Variants in C5orf34 observed in about 807,000 individuals in gnomAD.
The protein encoded by C5orf34 is chromosome 5 open reading frame 34.
C5orf34 carries 73 observed loss-of-function variants against 78.4 expected under a neutral mutation model. The ratio of observed to expected loss-of-function variants is 0.93; its 90% CI spans 0.77 to 1.13. The LOEUF (loss-of-function observed/expected upper bound fraction) is 1.13, where lower values mean the gene tolerates loss of function less well. C5orf34 is among the 50% of genes most tolerant of loss of function. The pLI, the probability that C5orf34 is intolerant of heterozygous loss-of-function variation, is 0.00. For synonymous variants in C5orf34, 251 were observed against 246.6 expected (o/e 1.02, Z -0.17); for missense variants, 730 against 732.7 (o/e 1.00, Z 0.04).
chr5:43,494,983 T>G (rs1745441334), intron 6 of C5orf34: 2 of 1,074,906 alleles, frequency 1.9e-6, no homozygotes, highest in Non-Finnish European at 2.8e-6. Flanking sequence ...CTTTCACTAC[T>G]AAACTTAAAT....
rs1746368273 is a variant in C5orf34, at chr5:43,513,702, C to G, written c.-37+1104G>C. ...CATCTTTGCAGTTCTTTCTGCCTGC[C>G]TTGTCTTTTCCTTGGCTAATCACAA... On this transcript the variant is annotated intron_variant, in intron 1 of 12. Transcript: ENST00000306862. Among the ~76,000 whole-genome samples the G allele has an allele frequency of 2.0e-5, 3 of 152,178 alleles. No homozygotes were observed. In the South Asian group the frequency reaches 6.2e-4, roughly 31 times the overall value.
At chr5:43,498,227 G>A (rs974094223) in intron 6 of C5orf34, among the ~76,000 whole-genome samples, 60 of 152,180 alleles carry the variant, frequency 3.9e-4, no homozygotes, top group African/African-American at 1.4e-3. Flanking sequence ...CACATGGGAA[G>A]CACTCAAAAT....
Position 43,508,630 on chromosome 5 carries a change from A to T in C5orf34, c.232T>A (p.Ser78Thr), listed in dbSNP as rs1047845485. 8 of 1,611,508 alleles carry T rather than the reference A, an allele frequency of 5.0e-6. No homozygotes were observed. In the African/African-American group the frequency reaches 1.1e-4, roughly 22 times the overall value. Reference sequence around the variant, plus strand: ...TCAGATAAAAAAGGGCAAGTAGCTGAAGAGTTTCGAAAATCTAGGGCTCGC... The same window carrying T: ...TCAGATAAAAAAGGGCAAGTAGCTGTAGAGTTTCGAAAATCTAGGGCTCGC... ...LQRALDFRNS[S>T]ATCPFLSETI... Residue 78 changes from serine (S) to threonine (T), a missense_variant, in exon 3 of 13, where the codon TCA becomes ACA. Ser to Thr is a moderately conservative substitution (Grantham distance 58). Coordinates refer to ENST00000306862, the MANE Select transcript of C5orf34 (RefSeq NM_198566.4).
chr5:43,498,023 T>A (rs2112293570), intron 6 of C5orf34, among the ~76,000 whole-genome samples: 1 of 152,314 alleles, frequency 6.6e-6, no homozygotes, highest in Admixed American at 6.5e-5. Flanking sequence ...TCTCATAGAC[T>A]AGGAGAAATC....
rs1405683974 is a variant in C5orf34 at position 43,490,638 on chromosome 5, C to G, written c.1672G>C (p.Glu558Gln). The G allele has an allele frequency of 6.3e-7, 1 of 1,599,224 alleles. No individual in the cohort carries two copies. The highest frequency in any genetic ancestry group is 8.6e-7 in the Non-Finnish European group (1 of 1,167,156). Residue 558 changes from glutamate (E) to glutamine (Q), a missense_variant, in exon 11 of 13, where the codon GAA becomes CAA. Glu to Gln is a conservative substitution (Grantham distance 29). Coordinates refer to ENST00000306862, the MANE Select transcript of C5orf34 (RefSeq NM_198566.4). The stretch of plus-strand genomic sequence containing the variant: ...AGTTTAAAAGAAAAATACCAATTTT[C>G]TTGGAGAACAGAAGATGACGAATGA... The part of the protein sequence containing the change: ...PTHSSSSVLQ[E>Q]NWSVASELEK...
chr5:43,499,504 TAA>T lies in C5orf34; in HGVS notation c.1152+2866_1152+2867del, dbSNP rs950139130. 1.9e-4 allele frequency among the ~76,000 whole-genome samples: 29 copies of T among 152,172 alleles called. No individual in the cohort carries two copies. The South Asian group carries it at 5.6e-3, about 29-fold the overall frequency. On this transcript the variant is annotated intron_variant, in intron 6 of 12. Transcript: ENST00000306862. Reference sequence around the variant, plus strand: ...TTTAATTATACAATAAATAATACATTAAGTTTTTGTTAAAAAAAGTTCAAAAA... The same window carrying T: ...TTTAATTATACAATAAATAATACATTGTTTTTGTTAAAAAAAGTTCAAAAA...
chr5:43,503,298 C>T (rs1745841397), intron 5 of C5orf34, among the ~76,000 whole-genome samples: 1 of 152,206 alleles, frequency 6.6e-6, no homozygotes, highest in African/African-American at 2.4e-5. Context: ...TCTAACTTCT[C>T]TAATTCCATG....
At position 43,492,227 on chromosome 5, in the gene C5orf34, T is replaced by A; in HGVS notation, c.1568A>T (p.Glu523Val). The A allele has an allele frequency of 6.2e-7, 1 of 1,610,432 alleles. No homozygotes were observed. Among genetic ancestry groups the A allele is most frequent in the Non-Finnish European group, 8.5e-7 (1 of 1,177,876 alleles). Residue 523 changes from glutamate to valine, a missense_variant, in exon 10 of 13, where the codon GAA becomes GTA. By Grantham distance (121) the Glu-to-Val change is moderately radical. Coordinates refer to ENST00000306862, the MANE Select transcript of C5orf34 (RefSeq NM_198566.4). ...QEQLIQIEHP[E>V]PYERYVTTVT... Reference sequence around the variant, plus strand: ...TGCTTTTCAGTACCTTTCATATGGTTCAGGGTGTTCAATCTGAATTAACTG... The same window carrying A: ...TGCTTTTCAGTACCTTTCATATGGTACAGGGTGTTCAATCTGAATTAACTG...
At chr5:43,504,963 GT>G (rs1745917258) in intron 4 of C5orf34, among the ~76,000 whole-genome samples, 1 of 152,134 alleles carries the variant, frequency 6.6e-6, no homozygotes. Context: ...AATTTTACAA[GT>G]ACTAGCTGTG....
At chr5:43,489,687 G>A (rs527656942) in intron 11 of C5orf34, among the ~76,000 whole-genome samples, 1 of 152,268 alleles carries the variant, frequency 6.6e-6, no homozygotes, top group African/African-American at 2.4e-5. Context: ...AGCTACCTGA[G>A]ATATTCAAAT....
intron 1 of C5orf34, among the ~76,000 whole-genome samples, chr5:43,510,227 C>G (rs1282498653): frequency 6.6e-6 from 1 of 152,042 alleles, no homozygotes; most frequent in African/African-American, 2.4e-5. Context: ...AGAAGAAATC[C>G]AAATACCTGG....
Position 43,490,662 on chromosome 5 carries a change from G to A in C5orf34, c.1648C>T (p.His550Tyr), listed in dbSNP as rs1274917978. 6.2e-7 allele frequency: 1 copy of A among 1,610,546 alleles called. No homozygotes were observed. Among genetic ancestry groups the A allele is most frequent in the East Asian group, 2.2e-5 (1 of 44,716 alleles). ...TQTSPREMPTHSSSSVLQENW... is the reference protein window; with the variant it reads ...TQTSPREMPTYSSSSVLQENW... ...TCTTGGAGAACAGAAGATGACGAAT[G>A]AGTGGGCATCTCTCTGGGACTAGTC... The change falls in exon 11 of 13, where the codon CAT (histidine) becomes TAT (tyrosine). Residue 550 changes from histidine to tyrosine, a missense_variant. Physicochemically the swap from His to Tyr is moderately conservative, Grantham distance 83 (BLOSUM62 2). Coordinates refer to ENST00000306862, the MANE Select transcript of C5orf34 (RefSeq NM_198566.4).
At position 43,503,731 on chromosome 5, in the gene C5orf34, C is replaced by T. The variant is rs558556428; in HGVS notation, c.962G>A (p.Arg321Lys). The T allele has an allele frequency of 1.2e-6, 2 of 1,613,398 alleles. No individual in the cohort carries two copies. Among genetic ancestry groups the T allele is most frequent in the Non-Finnish European group, 8.5e-7 (1 of 1,179,552 alleles). ...AGGATAGGAATATTCATCAGATTGT[C>T]TCTGTAAAAGTGAATCACAAAAATT... ...RWNFCDSLLQ[R>K]QSDEYSYPEL... The change falls in exon 5 of 13, where the codon AGA becomes AAA. Residue 321 changes from arginine to lysine, a missense_variant. Arg to Lys is a conservative substitution (Grantham distance 26). Coordinates refer to ENST00000306862, the MANE Select transcript of C5orf34 (RefSeq NM_198566.4).
chr5:43,493,474 C>T (rs1366084931), intron 8 of C5orf34, 69 bp downstream of exon 8: 4 of 937,106 alleles, frequency 4.3e-6, no homozygotes, highest in East Asian at 2.6e-5. Context: ...ACTGTTTGAA[C>T]TCAGAAGTAT....
intron 8 of C5orf34, 151 bp from the exon 9 acceptor site, chr5:43,493,041 C>A (rs1472222628): frequency 2.3e-6 from 1 of 426,934 alleles, no homozygotes. Context: ...GAAGTGGATA[C>A]CCAAAACAGT....
chr5:43,511,332 C>A, intron 1 of C5orf34: 1 of 153,220 alleles, frequency 6.5e-6, no homozygotes, highest in South Asian at 2.0e-4. Context: ...CGGCAGCCGC[C>A]CCGTCCGGCA....
At chr5:43,500,532 A>G (rs1191687862) in intron 6 of C5orf34, among the ~76,000 whole-genome samples, 1 of 152,124 alleles carries the variant, frequency 6.6e-6, no homozygotes, top group East Asian at 1.9e-4. Flanking sequence ...AGTAGCTGGG[A>G]TTACACACAA....
intron 5 of C5orf34, among the ~76,000 whole-genome samples, chr5:43,503,129 G>A (rs1014545102): frequency 2.0e-5 from 3 of 152,220 alleles, no homozygotes; most frequent in Admixed American, 1.3e-4. Flanking sequence ...ATTGTTCATG[G>A]AAGTGAAACT....
Position 43,509,299 on chromosome 5 carries a change from GA to G in C5orf34, c.40del (p.Ser14GlnfsTer34). ...ELRMILYEDD[S>X]VQVQYVDGST... ...ACCATCAACATATTGTACTTGTACTGAATCATCTTCATAAAGTATCATTCGC... is the reference window on the plus strand; with the variant it reads ...ACCATCAACATATTGTACTTGTACTGATCATCTTCATAAAGTATCATTCGC... On this transcript the variant is annotated frameshift_variant, in exon 2 of 13. Transcript: ENST00000306862. LOFTEE classifies it high-confidence loss of function. 1 of 1,612,998 alleles carries G rather than the reference GA, an allele frequency of 6.2e-7. No homozygotes were observed. Among genetic ancestry groups the G allele is most frequent in the East Asian group, 2.2e-5 (1 of 44,852 alleles).
Sources: gnomAD v4.1 joint callset for allele counts (sites outside exome capture counted in the v4.1 genomes callset) on GRCh38, gnomAD v4.1.1 for gene constraint, MANE v1.5 for transcripts, NCBI Gene and HGNC (gene_info 2026-07-23, HGNC 2026-07-21) for gene names.